The following LCA5 variants were observed in gnomAD, a reference collection of about 807,000 sequenced individuals.
LCA5 encodes the protein lebercilin LCA5.
Under a neutral mutation model 53.0 loss-of-function variants are expected in LCA5, and 37 were observed. That is an observed-to-expected ratio of 0.70 (90% CI 0.54 to 0.92). The LOEUF is 0.92. Among genes scored for constraint, LCA5 ranks in the 40% least tolerant of loss-of-function variants. The pLI is 0.00. For missense variants in LCA5, 806 were observed against 790.5 expected (o/e 1.02, Z -0.23); for synonymous variants, 303 against 282.9 (o/e 1.07, Z -0.71).
chr6:79,495,623 C>T (rs910575098), intron 3 of LCA5, among the ~76,000 whole-genome samples: 53 of 151,844 alleles, frequency 3.5e-4, no homozygotes, highest in African/African-American at 1.2e-3. Flanking sequence ...TGGTGGCACG[C>T]GCCTGTAGTC....
intron 1 of LCA5, among the ~76,000 whole-genome samples, chr6:79,532,791 A>T (rs1222630483): frequency 6.6e-6 from 1 of 152,090 alleles, no homozygotes; most frequent in Admixed American, 6.6e-5. Flanking sequence ...TTATTGTCTT[A>T]CTTATCCTAG....
At chr6:79,503,005 C>T (rs1326663055) in intron 3 of LCA5, among the ~76,000 whole-genome samples, 1 of 152,066 alleles carries the variant, frequency 6.6e-6, no homozygotes, top group Non-Finnish European at 1.5e-5. Flanking sequence ...CTCGGCCTCC[C>T]GAGAAACTGG....
chr6:79,529,612 C>A (rs1766895591), intron 1 of LCA5, among the ~76,000 whole-genome samples: 1 of 151,984 alleles, frequency 6.6e-6, no homozygotes, highest in Non-Finnish European at 1.5e-5. Context: ...AGATGGTAAC[C>A]CCGCAGAATA....
intron 6 of LCA5, among the ~76,000 whole-genome samples, chr6:79,490,187 T>C (rs1472742840): frequency 6.6e-6 from 1 of 152,106 alleles, no homozygotes; most frequent in Admixed American, 6.6e-5. Flanking sequence ...CTTTTTCCAA[T>C]AGCAACTTAG....
At position 79,508,940 on chromosome 6, in the gene LCA5, T is replaced by C. The variant is rs528392354; in HGVS notation, c.720+4272A>G. Among the ~76,000 whole-genome samples the C allele has an allele frequency of 5.9e-5, 9 of 152,266 alleles. No homozygotes were observed. In the East Asian group the frequency reaches 1.7e-3, roughly 29 times the overall value. On this transcript the variant is annotated intron_variant, in intron 3 of 7. Transcript: ENST00000369846. ...TTTTGCAGTAAAGTAAGAAACTCAA[T>C]AGTAAATATTTCAAATTCTGGATTG...
chr6:79,492,209 A>G (rs1378568868), intron 5 of LCA5, among the ~76,000 whole-genome samples: 1 of 152,064 alleles, frequency 6.6e-6, no homozygotes, highest in Admixed American at 6.6e-5. Context: ...ACTGGTAAAA[A>G]GTATAACTGT....
intron 3 of LCA5, among the ~76,000 whole-genome samples, chr6:79,507,090 C>A (rs929717305): frequency 3.4e-4 from 51 of 152,172 alleles, no homozygotes; most frequent in African/African-American, 1.2e-3. Context: ...CATTTTCTAA[C>A]TACTTTAGAC....
At position 79,487,981 on chromosome 6, in the gene LCA5, G is replaced by A. The variant is rs572800813; in HGVS notation, c.1232-115C>T. 17 of 795,002 alleles carry A rather than the reference G, an allele frequency of 2.1e-5. No homozygotes were observed. In the South Asian group the frequency reaches 2.9e-4, roughly 14 times the overall value. 49.2% of individuals were successfully genotyped at this position (795,002 alleles called of 1,614,324 possible). A position where few individuals can be genotyped will look rare whatever the true frequency, so the allele number is the denominator to read the frequency against. On this transcript the variant is annotated intron_variant, in intron 7 of 7. Coordinates refer to ENST00000369846, the MANE Select transcript of LCA5 (RefSeq NM_001122769.3). ...TTAATTTGGGTATTATAAATCAAGT[G>A]AGAAAAGACATCATAAATTTCATTT...
At chr6:79,525,339 C>T (rs1390917504) in intron 1 of LCA5, 4 of 152,174 alleles carry the variant, frequency 2.6e-5, no homozygotes, top group Admixed American at 6.5e-5. Flanking sequence ...TTTTAGCAGA[C>T]CAGCTGGACC....
At chr6:79,500,669 C>G (rs1026718493) in intron 3 of LCA5, among the ~76,000 whole-genome samples, 2 of 152,164 alleles carry the variant, frequency 1.3e-5, no homozygotes, top group Non-Finnish European at 2.9e-5. Flanking sequence ...GCAAAGCATA[C>G]TGGTTTCATT....
At chr6:79,525,127 A>G (rs1252528759) in intron 1 of LCA5, 4 of 151,866 alleles carry the variant, frequency 2.6e-5, no homozygotes, top group African/African-American at 9.7e-5. Flanking sequence ...CTACATAAAC[A>G]TTTTCTGTTT....
chr6:79,517,267 T>G (rs1006755438), intron 2 of LCA5, among the ~76,000 whole-genome samples: 1 of 152,078 alleles, frequency 6.6e-6, no homozygotes, highest in African/African-American at 2.4e-5. Flanking sequence ...TGGCTGATGC[T>G]GGAACTGTTT....
At chr6:79,506,959 T>A (rs1168027259) in intron 3 of LCA5, among the ~76,000 whole-genome samples, 1 of 152,174 alleles carries the variant, frequency 6.6e-6, no homozygotes, top group African/African-American at 2.4e-5. Flanking sequence ...TACAAAACGC[T>A]CATTAATATG....
At chr6:79,489,301 AT>A in intron 6 of LCA5, 85 bp from the exon 7 acceptor site, 5 of 1,318,842 alleles carry the variant, frequency 3.8e-6, no homozygotes, top group Non-Finnish European at 5.3e-6. Flanking sequence ...ATTAAACATG[AT>A]TACCAACTAA....
rs76640432 is a variant in LCA5, at chr6:79,520,552, T to C, written c.-191-1467A>G. On this transcript the variant is annotated intron_variant, in intron 1 of 7. Transcript: ENST00000369846. ...ATTGGATTACTTTTATAATCCAATT[T>C]AGAAGAAACAAACATCTCTGATGAA... Among the ~76,000 whole-genome samples the C allele has an allele frequency of 1.5e-3, 234 of 152,314 alleles. 1 individual carries two copies. The highest frequency in any genetic ancestry group is 5.4e-3 in the African/African-American group (223 of 41,582).
At chr6:79,530,183 A>C (rs752188450) in intron 1 of LCA5, among the ~76,000 whole-genome samples, 1 of 152,196 alleles carries the variant, frequency 6.6e-6, no homozygotes, top group African/African-American at 2.4e-5. Flanking sequence ...ATGTCTCTAA[A>C]TCTGTGAAGA....
intron 3 of LCA5, among the ~76,000 whole-genome samples, chr6:79,497,399 G>A (rs1770008824): frequency 6.6e-6 from 1 of 152,122 alleles, no homozygotes; most frequent in Non-Finnish European, 1.5e-5. Flanking sequence ...GGCTCCAGAT[G>A]TGATACCTTA....
At chr6:79,498,900 GA>G (rs1478058062) in intron 3 of LCA5, among the ~76,000 whole-genome samples, 6 of 152,124 alleles carry the variant, frequency 3.9e-5, no homozygotes, top group South Asian at 2.1e-4. Flanking sequence ...TTTTTGATGA[GA>G]TTTTTTTATA....
intron 1 of LCA5, among the ~76,000 whole-genome samples, chr6:79,531,871 C>T (rs914050274): frequency 2.0e-5 from 3 of 151,710 alleles, no homozygotes; most frequent in Non-Finnish European, 4.4e-5. Context: ...TGTTGGAATA[C>T]ACAGGGCAGC....
Sources: allele counts gnomAD v4.1 joint callset (sites outside exome capture counted in the v4.1 genomes callset), GRCh38; gene constraint gnomAD v4.1.1; transcripts MANE v1.5; gene names NCBI Gene and HGNC (gene_info 2026-07-23, HGNC 2026-07-21).